RGS6: variants seen among roughly 807,000 people sequenced by gnomAD.
RGS6 encodes regulator of G protein signaling 6.
Under a neutral mutation model 78.5 loss-of-function variants are expected in RGS6, and 30 were observed. The observed-to-expected ratio is 0.38, with a 90% CI of 0.29 to 0.52. RGS6 has a LOEUF of 0.52. RGS6 is among the 20% of genes least tolerant of loss of function. The probability of loss-of-function intolerance (pLI) is 0.85; values close to 1 mark genes in which losing one functional copy is unlikely to be tolerated. For missense variants in RGS6, 495 were observed against 609.7 expected, an observed-to-expected ratio of 0.81 and a Z score of 1.98; for synonymous variants, 206 against 206.0, an observed-to-expected ratio of 1.00 and a Z score of 0.00.
At chr14:72,239,002 C>T (rs544749310) in intron 2 of RGS6, among the ~76,000 whole-genome samples, 4 of 151,774 alleles carry the variant, frequency 2.6e-5, no homozygotes, top group African/African-American at 9.7e-5. Flanking sequence ...AGAAAGAATT[C>T]AATGGAGGGG....
intron 2 of RGS6, among the ~76,000 whole-genome samples, chr14:72,311,995 C>A (rs1475151141): frequency 6.6e-6 from 1 of 152,104 alleles, no homozygotes; most frequent in African/African-American, 2.4e-5. Flanking sequence ...AAAACTCCAG[C>A]CTTAGGATTT....
At chr14:72,033,935 G>C (rs1282408531) in intron 2 of RGS6, among the ~76,000 whole-genome samples, 1 of 151,984 alleles carries the variant, frequency 6.6e-6, no homozygotes, top group Admixed American at 6.6e-5. Flanking sequence ...GTTTTTGTTT[G>C]GTTTTGATAG....
intron 2 of RGS6, among the ~76,000 whole-genome samples, chr14:72,135,265 T>G (rs1486197512): frequency 6.6e-6 from 1 of 152,168 alleles, no homozygotes; most frequent in African/African-American, 2.4e-5. Flanking sequence ...AACTTTATAA[T>G]GATAAAGTTC....
chr14:72,118,709 A>T (rs918755191), intron 2 of RGS6, among the ~76,000 whole-genome samples: 1 of 152,270 alleles, frequency 6.6e-6, no homozygotes, highest in African/African-American at 2.4e-5. Context: ...TGGCATGGCA[A>T]TGGATTTCAT....
chr14:72,536,318 C>A, intron 16 of RGS6, 43 bp downstream of exon 16: 1 of 1,384,670 alleles, frequency 7.2e-7, no homozygotes, highest in Non-Finnish European at 1.0e-6. Context: ...ACTGTTGACT[C>A]TTGCCTGCTG....
Position 71,968,639 on chromosome 14 carries a change from C to T in RGS6, c.84+3764C>T, listed in dbSNP as rs73291252. 1.9e-3 allele frequency among the ~76,000 whole-genome samples: 291 copies of T among 152,256 alleles called. 1 individual carries two copies. Among genetic ancestry groups the T allele is most frequent in the African/African-American group, 6.3e-3 (262 of 41,538 alleles). ...CATAATGGTGTCCAGGGAGCCTGGC[C>T]ACTCCAATCAGTTGCCTTTCTAGCA... is the stretch of plus-strand genomic sequence containing the variant. On this transcript the variant is annotated intron_variant, in intron 2 of 17. Coordinates refer to ENST00000553525, the MANE Select transcript of RGS6 (RefSeq NM_001204424.2).
chr14:72,040,685 T>A (rs148041165), intron 2 of RGS6, among the ~76,000 whole-genome samples: 1 of 152,328 alleles, frequency 6.6e-6, no homozygotes, highest in East Asian at 1.9e-4. Flanking sequence ...CAGTCATTAT[T>A]TTCTCCTTTC....
At chr14:72,612,206 G>T in the RGS6 span, among the ~76,000 whole-genome samples, 4 of 152,104 alleles carry the variant, frequency 2.6e-5, no homozygotes, top group Non-Finnish European at 5.9e-5. Context: ...TCCCTTTCCT[G>T]GCCAGAGGAG....
intron 1 of RGS6, among the ~76,000 whole-genome samples, chr14:71,936,044 ACATATATATC>A (rs2089258107): frequency 1.7e-5 from 2 of 116,284 alleles, no homozygotes; most frequent in Non-Finnish European, 3.7e-5. Flanking sequence ...ATATATATGT[ACATATATATC>A]ATATATACAT....
chr14:72,530,305 T>C (rs1186033683), intron 15 of RGS6, among the ~76,000 whole-genome samples: 1 of 152,198 alleles, frequency 6.6e-6, no homozygotes, highest in African/African-American at 2.4e-5. Context: ...GCCACCTGGC[T>C]CTGTCAGCCA....
intron 2 of RGS6, among the ~76,000 whole-genome samples, chr14:72,135,077 A>C (rs2096410153): frequency 6.6e-6 from 1 of 152,188 alleles, no homozygotes; most frequent in South Asian, 2.1e-4. Context: ...ATTAACCATC[A>C]CAATATGCTT....
the RGS6 span, among the ~76,000 whole-genome samples, chr14:72,596,479 A>G: frequency 6.6e-6 from 1 of 152,206 alleles, no homozygotes; most frequent in Non-Finnish European, 1.5e-5. Context: ...GGATTAGGAC[A>G]TGAACATTTT....
chr14:72,021,464 C>CTTT (rs533727083), intron 2 of RGS6, among the ~76,000 whole-genome samples: 38 of 122,388 alleles, frequency 3.1e-4, no homozygotes, highest in African/African-American at 5.7e-4. Flanking sequence ...CTTTTTCTAA[C>CTTT]TTTTTTTTTT....
the RGS6 span, chr14:72,619,481 ACC>A: frequency 8.2e-7 from 1 of 1,212,218 alleles, no homozygotes; most frequent in Non-Finnish European, 1.2e-6. Context: ...CAATGCAGAA[ACC>A]AAGTCCCAGG....
chr14:72,469,958 C>G, intron 7 of RGS6, 49 bp from the exon 8 acceptor site: 1 of 1,365,088 alleles, frequency 7.3e-7, no homozygotes, highest in South Asian at 1.2e-5. Context: ...TGTCGATGTG[C>G]TAATTTACGA....
At chr14:72,556,536 T>A (rs901992378) in intron 17 of RGS6, among the ~76,000 whole-genome samples, 12 of 152,080 alleles carry the variant, frequency 7.9e-5, no homozygotes, top group Non-Finnish European at 1.5e-4. Context: ...CTACTAGTGG[T>A]CCCAGTGACA....
At chr14:72,517,913 A>G (rs1029427918) in intron 14 of RGS6, among the ~76,000 whole-genome samples, 2 of 152,182 alleles carry the variant, frequency 1.3e-5, no homozygotes, top group Non-Finnish European at 1.5e-5. Flanking sequence ...CCCAGGGGAC[A>G]TTGGGCAATG....
At chr14:71,990,536 CAAATTTTAAGT>C (rs1595763037) in intron 2 of RGS6, 1 of 449,502 alleles carries the variant, frequency 2.2e-6, no homozygotes, top group East Asian at 7.0e-5. Context: ...TCATTTTAAG[CAAATTTTAAGT>C]AGTGGAGAGG....
chr14:72,422,086 G>T (rs1597302798), intron 3 of RGS6, among the ~76,000 whole-genome samples: 3 of 152,090 alleles, frequency 2.0e-5, no homozygotes, highest in African/African-American at 7.3e-5. Context: ...AATGGGGGGA[G>T]GTTCCCCTGC....
Sources: allele counts gnomAD v4.1 joint callset (sites outside exome capture counted in the v4.1 genomes callset), GRCh38; gene constraint gnomAD v4.1.1; transcripts MANE v1.5; gene names NCBI Gene and HGNC (gene_info 2026-07-23, HGNC 2026-07-21).